Variants in NRXN3 observed in about 807,000 individuals in gnomAD.
NRXN3 encodes the protein neurexin 3, also known as neurexin III.
A neutral mutation model predicts 137.6 loss-of-function variants in NRXN3; 32 were observed. That is an observed-to-expected ratio of 0.23 (90% CI 0.18 to 0.31). The LOEUF is 0.31. NRXN3 is among the 10% of genes least tolerant of loss of function. The pLI, the probability that NRXN3 is intolerant of heterozygous loss-of-function variation, is 1.00. For missense variants in NRXN3, 1,574 were observed against 2,062.5 expected, an observed-to-expected ratio of 0.76 and a Z score of 4.59; for synonymous variants, 798 against 784.5, an observed-to-expected ratio of 1.02 and a Z score of -0.29.
chr14:79,459,240 T>C (rs1183420527), intron 15 of NRXN3, among the ~76,000 whole-genome samples: 1 of 152,118 alleles, frequency 6.6e-6, no homozygotes, highest in Non-Finnish European at 1.5e-5. Flanking sequence ...ATGTCCCCTC[T>C]ACAAATTCAG....
chr14:78,978,142 A>G (rs1360857542), intron 14 of NRXN3, among the ~76,000 whole-genome samples: 2 of 152,184 alleles, frequency 1.3e-5, no homozygotes, highest in African/African-American at 4.8e-5. Flanking sequence ...CACTCTAATC[A>G]TGTGACCTTT....
At chr14:78,918,464 T>C (rs2099262632) in intron 10 of NRXN3, among the ~76,000 whole-genome samples, 1 of 151,966 alleles carries the variant, frequency 6.6e-6, no homozygotes, top group Non-Finnish European at 1.5e-5. Context: ...CCATGACACG[T>C]TGGGGTTTGT....
At chr14:79,582,805 A>G (rs932343174) in intron 16 of NRXN3, among the ~76,000 whole-genome samples, 1 of 152,228 alleles carries the variant, frequency 6.6e-6, no homozygotes, top group African/African-American at 2.4e-5. Flanking sequence ...TAACAACATT[A>G]TGTATAACAC....
At chr14:79,363,280 G>A (rs1033844892) in intron 15 of NRXN3, among the ~76,000 whole-genome samples, 1 of 152,158 alleles carries the variant, frequency 6.6e-6, no homozygotes, top group Non-Finnish European at 1.5e-5. Context: ...GATTATAGGC[G>A]TGAGCCACTG....
intron 15 of NRXN3, among the ~76,000 whole-genome samples, chr14:79,242,149 A>C (rs2074411197): frequency 6.6e-6 from 1 of 152,176 alleles, no homozygotes; most frequent in South Asian, 2.1e-4. Context: ...TGAGAAAAAC[A>C]AGACTCATAA....
chr14:79,039,303 TTC>T (rs2099621289), intron 15 of NRXN3, among the ~76,000 whole-genome samples: 2 of 152,170 alleles, frequency 1.3e-5, no homozygotes, highest in Admixed American at 6.5e-5. Flanking sequence ...TTTAGGTAAT[TTC>T]TCTTTCTGTA....
At chr14:79,622,595 TTTTA>T (rs968537305) in intron 16 of NRXN3, among the ~76,000 whole-genome samples, 4 of 152,010 alleles carry the variant, frequency 2.6e-5, no homozygotes, top group African/African-American at 4.8e-5. Context: ...TTTAGTTTAT[TTTTA>T]TTTATTTATT....
chr14:78,581,865 G>A (rs547342241), intron 4 of NRXN3, among the ~76,000 whole-genome samples: 2 of 152,292 alleles, frequency 1.3e-5, no homozygotes, highest in African/African-American at 4.8e-5. Context: ...CATACCTGTT[G>A]CAATTTGTAT....
At chr14:78,917,906 A>G (rs2099259858) in intron 10 of NRXN3, among the ~76,000 whole-genome samples, 1 of 151,826 alleles carries the variant, frequency 6.6e-6, no homozygotes, top group South Asian at 2.1e-4. Context: ...GTAATGTAAA[A>G]GTGATAGTTA....
intron 19 of NRXN3, among the ~76,000 whole-genome samples, chr14:79,785,973 T>C (rs556611204): frequency 6.6e-6 from 1 of 151,690 alleles, no homozygotes; most frequent in South Asian, 2.1e-4. Flanking sequence ...GTCACCTGTG[T>C]TCCTGCAGCA....
intron 19 of NRXN3, among the ~76,000 whole-genome samples, chr14:79,781,228 T>C (rs935419690): frequency 8.5e-5 from 13 of 152,296 alleles, no homozygotes; most frequent in African/African-American, 2.6e-4. Flanking sequence ...CTAGCCAAAC[T>C]ATATACTACA....
chr14:79,771,522 A>T lies in NRXN3; in HGVS notation c.4015-33590A>T, dbSNP rs1400408363. Among the ~76,000 whole-genome samples, 5 of 151,316 alleles carry T rather than the reference A, an allele frequency of 3.3e-5. No homozygotes were observed. The East Asian group carries it at 7.8e-4, about 24-fold the overall frequency. On this transcript the variant is annotated intron_variant, in intron 19 of 20. Coordinates refer to ENST00000335750, the MANE Select transcript of NRXN3 (RefSeq NM_001330195.2). Reference sequence around the variant, plus strand: ...GCATATAAACAGAACCAAAGACAAAAACCACATGATTATCTCAATAGATGC... The same window carrying T: ...GCATATAAACAGAACCAAAGACAAATACCACATGATTATCTCAATAGATGC...
intron 4 of NRXN3, among the ~76,000 whole-genome samples, chr14:78,431,621 T>C (rs564334293): frequency 6.6e-6 from 1 of 152,194 alleles, no homozygotes; most frequent in African/African-American, 2.4e-5. Context: ...GAGTATATCT[T>C]TGGTCTTCAT....
chr14:78,785,670 T>G (rs908195072), intron 8 of NRXN3, among the ~76,000 whole-genome samples: 1 of 152,226 alleles, frequency 6.6e-6, no homozygotes, highest in African/African-American at 2.4e-5. Flanking sequence ...AGTAGTAGCC[T>G]GCGTATGATG....
At chr14:78,652,467 C>T (rs2097754695) in intron 6 of NRXN3, among the ~76,000 whole-genome samples, 1 of 152,244 alleles carries the variant, frequency 6.6e-6, no homozygotes, top group Admixed American at 6.5e-5. Flanking sequence ...AAGCAGTGCA[C>T]TGCACATTTT....
In NRXN3 at chr14:78,715,194, A is replaced by C. The variant is rs879229003; in HGVS notation, c.2044+55A>C. 1.9e-6 allele frequency: 3 copies of C among 1,566,978 alleles called. No individual in the cohort carries two copies. The South Asian group carries it at 3.4e-5, about 18-fold the overall frequency. ...GGCCTGAGTGGGGCTGATGTGTTACAGTTGGATCCCTGGGCAGCCCAAGCC... is the reference window on the plus strand; with the variant it reads ...GGCCTGAGTGGGGCTGATGTGTTACCGTTGGATCCCTGGGCAGCCCAAGCC... On this transcript the variant is annotated intron_variant, in intron 8 of 20. Transcript: ENST00000335750.
At chr14:79,826,058 C>T (rs752378629) in intron 20 of NRXN3, among the ~76,000 whole-genome samples, 20 of 151,858 alleles carry the variant, frequency 1.3e-4, no homozygotes, top group South Asian at 4.2e-4. Context: ...TGCAGTGGTG[C>T]GATCTCGGCT....
chr14:79,853,488 G>T, intron 20 of NRXN3: 1 of 1,064,884 alleles, frequency 9.4e-7, no homozygotes, highest in Non-Finnish European at 1.3e-6. Flanking sequence ...TCCATAGATG[G>T]GCATGTGTAG....
At position 79,467,235 on chromosome 14, in the gene NRXN3, A is replaced by G. The variant is rs201383152; in HGVS notation, c.3277A>G (p.Ile1093Val). 6.2e-7 allele frequency: 1 copy of G among 1,601,480 alleles called. No homozygotes were observed. The highest frequency in any genetic ancestry group is 2.2e-5 in the East Asian group (1 of 44,462). Reference sequence around the variant, plus strand: ...TGCTTTTGCAGCTGGCGCTACGTACATCTTTGGGAAAAGTGGTGGGCTTAT... The same window carrying G: ...TGCTTTTGCAGCTGGCGCTACGTACGTCTTTGGGAAAAGTGGTGGGCTTAT... ...NQCNDPGATY[I>V]FGKSGGLILY... The change falls in exon 16 of 21, where the codon ATC (isoleucine) becomes GTC (valine). Residue 1093 changes from isoleucine to valine, a missense_variant. By Grantham distance (29) the Ile-to-Val change is conservative (BLOSUM62 3). Coordinates refer to ENST00000335750, the MANE Select transcript of NRXN3 (RefSeq NM_001330195.2).
Sources: allele counts gnomAD v4.1 joint callset (sites outside exome capture counted in the v4.1 genomes callset), GRCh38; gene constraint gnomAD v4.1.1; transcripts MANE v1.5; gene names NCBI Gene and HGNC (gene_info 2026-07-23, HGNC 2026-07-21).